Variants in LCORL observed in about 807,000 individuals in gnomAD.
The protein encoded by LCORL is ligand dependent nuclear receptor corepressor like.
A neutral mutation model predicts 141.8 loss-of-function variants in LCORL; 41 were observed. That is an observed-to-expected ratio of 0.29 (90% confidence interval 0.23 to 0.38). The LOEUF (loss-of-function observed/expected upper bound fraction) is 0.38, where lower values mean the gene tolerates loss of function less well. LCORL is among the 10% of genes least tolerant of loss of function. LCORL has a pLI of 1.00. For synonymous variants in LCORL, 618 were observed against 694.1 expected, an observed-to-expected ratio of 0.89 and a Z score of 1.72; for missense variants, 1,759 against 2,035.0, an observed-to-expected ratio of 0.86 and a Z score of 2.61.
chr4:17,842,190 G>T (rs1722475912), exon 8 of LCORL: 1 of 761,790 alleles, frequency 1.3e-6, no homozygotes, highest in Non-Finnish European at 2.2e-6. Context: ...ACAAGTAGGA[G>T]ATACATGTGT....
At chr4:17,894,471 T>C (rs1254756289) in intron 5 of LCORL, among the ~76,000 whole-genome samples, 1 of 152,220 alleles carries the variant, frequency 6.6e-6, no homozygotes, top group South Asian at 2.1e-4. Context: ...AAAAGGATTT[T>C]AAAAGTATTT....
At position 18,021,563 on chromosome 4, in the gene LCORL, G is replaced by A; in HGVS notation, c.154+35C>T. 8 of 1,497,652 alleles carry A rather than the reference G, an allele frequency of 5.3e-6. No homozygotes were observed. Among genetic ancestry groups the A allele is most frequent in the Non-Finnish European group, 7.1e-6 (8 of 1,122,128 alleles). The allele number at this position is 1,497,652 out of a possible 1,614,324, so 92.8% of individuals were successfully genotyped here. On this transcript the variant is annotated intron_variant, in intron 1 of 7. Transcript: ENST00000635767. The surrounding 1 kb of genome is among the most constrained non-coding windows in gnomAD (Gnocchi z 5.5). ...CTCGGGCTGCGACAGCGGTCGCCGC[G>A]CGGAGCCCGGGGCCCCGGCCCGCGT...
intron 2 of LCORL, 118 bp from the exon 3 acceptor site, chr4:17,963,167 G>C (rs2109609353): frequency 2.1e-6 from 1 of 477,904 alleles, no homozygotes; most frequent in East Asian, 3.3e-5. Flanking sequence ...ACAGTAATGG[G>C]AGAAGAACTA....
intron 5 of LCORL, among the ~76,000 whole-genome samples, chr4:17,887,652 A>T (rs1406477997): frequency 6.6e-6 from 1 of 152,164 alleles, no homozygotes; most frequent in African/African-American, 2.4e-5. Flanking sequence ...AAACAGGGCC[A>T]TTGGGCCATG....
At position 17,976,855 on chromosome 4, in the gene LCORL, G is replaced by A. The variant is rs180932864; in HGVS notation, c.155-3970C>T. 7.2e-5 allele frequency among the ~76,000 whole-genome samples: 11 copies of A among 152,166 alleles called. No individual in the cohort carries two copies. The East Asian group carries it at 1.4e-3, about 19-fold the overall frequency. On this transcript the variant is annotated intron_variant, in intron 1 of 7. Transcript: ENST00000635767. ...TCTTTCCTCTGTTCCTCTGTACTTC[G>A]TAATGTGCCTTTTTCTGACTGCTTT...
At chr4:17,917,432 A>T (rs531339181) in intron 4 of LCORL, among the ~76,000 whole-genome samples, 84 of 152,174 alleles carry the variant, frequency 5.5e-4, no homozygotes, top group Non-Finnish European at 9.1e-4. Flanking sequence ...ACCTCAGGTG[A>T]TCTGCCCGCC....
At chr4:17,853,049 ATTTTTTTTT>A (rs67695626) in intron 7 of LCORL, among the ~76,000 whole-genome samples, 10 of 125,172 alleles carry the variant, frequency 8.0e-5, no homozygotes, top group South Asian at 2.8e-4. Context: ...TAAAAGCTTG[ATTTTTTTTT>A]TTTTTTTTTT....
At chr4:17,947,773 A>G (rs1034211872) in intron 4 of LCORL, among the ~76,000 whole-genome samples, 40 of 152,090 alleles carry the variant, frequency 2.6e-4, no homozygotes, top group African/African-American at 8.4e-4. Flanking sequence ...CACCAATCAG[A>G]ACAGATACCC....
rs1169470506 is a variant in LCORL, at chr4:17,855,975, A to G, written c.5603-10074T>C. 2.6e-5 allele frequency among the ~76,000 whole-genome samples: 4 copies of G among 152,264 alleles called. No homozygotes were observed. In the East Asian group the frequency reaches 5.8e-4, roughly 22 times the overall value. The stretch of plus-strand genomic sequence containing the variant: ...TACAAGGTCTCTCATTCTTTAAAAA[A>G]TAAGACTTTACTCAATCTTTCGTTT... On this transcript the variant is annotated intron_variant, in intron 7 of 7. Transcript: ENST00000635767.
chr4:17,850,392 G>A (rs1410404484), intron 7 of LCORL, among the ~76,000 whole-genome samples: 1 of 149,872 alleles, frequency 6.7e-6, no homozygotes, highest in Non-Finnish European at 1.5e-5. Context: ...TCTGACAAAG[G>A]GCTAATATCC....
chr4:17,870,739 A>G (rs1332762894), intron 7 of LCORL, among the ~76,000 whole-genome samples: 1 of 152,178 alleles, frequency 6.6e-6, no homozygotes. Flanking sequence ...GAACTATTTG[A>G]ACCTTCCACA....
At chr4:17,952,414 A>AAT (rs1711549782) in intron 4 of LCORL, among the ~76,000 whole-genome samples, 1 of 135,844 alleles carries the variant, frequency 7.4e-6, no homozygotes, top group Non-Finnish European at 1.6e-5. Context: ...CTCAAAAACA[A>AAT]TTTTTTTTTT....
chr4:17,926,901 A>G (rs914219006), intron 4 of LCORL, among the ~76,000 whole-genome samples: 9 of 152,244 alleles, frequency 5.9e-5, no homozygotes, highest in African/African-American at 9.6e-5. Context: ...ACTGGCTTCA[A>G]GTTAAAGCCA....
At chr4:17,912,386 C>A in intron 4 of LCORL, 1 of 645,492 alleles carries the variant, frequency 1.5e-6, no homozygotes, top group Non-Finnish European at 2.9e-6. Context: ...ATTGCCAGCT[C>A]TAGGGTGACT....
chr4:17,991,182 A>G (rs974769030), intron 1 of LCORL, among the ~76,000 whole-genome samples: 4 of 152,152 alleles, frequency 2.6e-5, no homozygotes, highest in Non-Finnish European at 5.9e-5. Flanking sequence ...TCTCATCACT[A>G]GTTAATCCTC....
intron 4 of LCORL, chr4:17,911,829 C>A (rs527673141): frequency 6.6e-5 from 30 of 454,334 alleles, no homozygotes; most frequent in Non-Finnish European, 1.3e-4. Flanking sequence ...CCTGCTCCAC[C>A]AGCTTCCAGG....
exon 8 of LCORL, chr4:17,843,892 TATCA>T (rs34278178): frequency 6.5e-6 from 1 of 152,966 alleles, no homozygotes; most frequent in Non-Finnish European, 1.5e-5. Flanking sequence ...GAAAGGAGCT[TATCA>T]ATCACCAGTG....
At chr4:17,841,831 G>GTTAT (rs1722438035) in exon 8 of LCORL, 1 of 153,424 alleles carries the variant, frequency 6.5e-6, no homozygotes, top group South Asian at 2.0e-4. Flanking sequence ...GGTCATGTAT[G>GTTAT]TTATTTTACA....
chr4:17,961,832 T>G, intron 4 of LCORL, 71 bp downstream of exon 4: 1 of 1,387,312 alleles, frequency 7.2e-7, no homozygotes, highest in Non-Finnish European at 9.9e-7. Context: ...ATAAAAAACT[T>G]TTGTGTAAAA....
Sources: allele counts gnomAD v4.1 joint callset (sites outside exome capture counted in the v4.1 genomes callset), GRCh38; gene constraint gnomAD v4.1.1; non-coding constraint Gnocchi (gnomAD v3.1); transcripts MANE v1.5; gene names NCBI Gene and HGNC (gene_info 2026-07-23, HGNC 2026-07-21).